The following GRIA1 variants were observed in gnomAD, a reference collection of about 807,000 sequenced individuals.
The protein encoded by GRIA1 is glutamate ionotropic receptor AMPA type subunit 1, also known as glutamate receptor 1.
A neutral mutation model predicts 99.2 loss-of-function variants in GRIA1; 31 were observed. The observed-to-expected ratio is 0.31, with a 90% CI of 0.23 to 0.42. The LOEUF (loss-of-function observed/expected upper bound fraction) is 0.42, where lower values mean the gene tolerates loss of function less well. Among genes scored for constraint, GRIA1 ranks in the 10% least tolerant of loss-of-function variants. The pLI is 1.00. For missense variants in GRIA1, 782 were observed against 1,157.5 expected (o/e 0.68, Z 4.71); for synonymous variants, 438 against 432.4 (o/e 1.01, Z -0.16).
At chr5:153,662,293 A>G (rs1755427729) in intron 5 of GRIA1, among the ~76,000 whole-genome samples, 1 of 152,220 alleles carries the variant, frequency 6.6e-6, no homozygotes, top group South Asian at 2.1e-4. Flanking sequence ...CACTGGGCTC[A>G]TGCAAGAAGG....
At chr5:153,635,278 G>C (rs1042031618) in intron 2 of GRIA1, among the ~76,000 whole-genome samples, 1 of 152,192 alleles carries the variant, frequency 6.6e-6, no homozygotes, top group Non-Finnish European at 1.5e-5. Context: ...TTTACCTGGT[G>C]TTCCTTGCGG....
At chr5:153,686,193 T>C in intron 7 of GRIA1, 32 bp from the exon 8 acceptor site, 1 of 1,484,356 alleles carries the variant, frequency 6.7e-7, no homozygotes, top group African/African-American at 1.4e-5. Flanking sequence ...TACATCTGAG[T>C]TCACTGCCCA....
intron 8 of GRIA1, among the ~76,000 whole-genome samples, chr5:153,697,759 C>A (rs943920058): frequency 1.1e-4 from 16 of 152,146 alleles, no homozygotes; most frequent in African/African-American, 3.6e-4. Context: ...TTGCATTGTA[C>A]AAAACAGACT....
intron 8 of GRIA1, among the ~76,000 whole-genome samples, chr5:153,697,481 C>T (rs947114440): frequency 1.3e-5 from 2 of 152,094 alleles, no homozygotes; most frequent in Non-Finnish European, 2.9e-5. Context: ...TTTTTAGACA[C>T]TCCTATATAT....
At chr5:153,495,578 T>G (rs964294377) in intron 2 of GRIA1, among the ~76,000 whole-genome samples, 2 of 152,340 alleles carry the variant, frequency 1.3e-5, no homozygotes, top group African/African-American at 4.8e-5. Context: ...GAGAAAAACT[T>G]ACAGTGTTTC....
At chr5:153,736,098 C>A (rs940097911) in intron 11 of GRIA1, among the ~76,000 whole-genome samples, 3 of 152,060 alleles carry the variant, frequency 2.0e-5, no homozygotes. Context: ...GAGGAGGGAG[C>A]CAAGCCCTGA....
intron 3 of GRIA1, among the ~76,000 whole-genome samples, chr5:153,648,277 T>C (rs889062): frequency 0.45 from 68,081 of 152,000 alleles, 16,036 homozygotes; most frequent in Non-Finnish European, 0.5. Context: ...TCTCAGACTG[T>C]GACTATTGCA....
At position 153,595,695 on chromosome 5, in the gene GRIA1, T is replaced by A. The variant is rs1219276640; in HGVS notation, c.221-51233T>A. Among the ~76,000 whole-genome samples the A allele has an allele frequency of 2.0e-5, 3 of 149,782 alleles. No homozygotes were observed. The East Asian group carries it at 5.8e-4, about 29-fold the overall frequency. On this transcript the variant is annotated intron_variant, in intron 2 of 15. Coordinates refer to ENST00000285900, the MANE Select transcript of GRIA1 (RefSeq NM_000827.4). ...ATTGCTCACATTGTGAAATGCTTTTTAATTGTAAACCTTTATCTAAAAAGC... is the reference window on the plus strand; with the variant it reads ...ATTGCTCACATTGTGAAATGCTTTTAAATTGTAAACCTTTATCTAAAAAGC...
intron 11 of GRIA1, among the ~76,000 whole-genome samples, chr5:153,749,441 C>T (rs1762369386): frequency 6.6e-6 from 1 of 152,172 alleles, no homozygotes; most frequent in Non-Finnish European, 1.5e-5. Flanking sequence ...GTGCCAGCAT[C>T]TGCTTCTGAT....
chr5:153,680,778 T>C (rs1756920181), intron 7 of GRIA1, among the ~76,000 whole-genome samples: 1 of 152,222 alleles, frequency 6.6e-6, no homozygotes, highest in Admixed American at 6.5e-5. Flanking sequence ...CTTATGGTGC[T>C]GTGGATGATC....
chr5:153,712,404 A>G (rs1759376083), intron 11 of GRIA1, among the ~76,000 whole-genome samples: 1 of 152,220 alleles, frequency 6.6e-6, no homozygotes, highest in South Asian at 2.1e-4. Context: ...CAATGAGGAC[A>G]GCCCAAGCCA....
intron 2 of GRIA1, among the ~76,000 whole-genome samples, chr5:153,601,565 A>G (rs970604785): frequency 6.6e-5 from 10 of 152,364 alleles, no homozygotes; most frequent in African/African-American, 1.4e-4. Flanking sequence ...GTGAAAATTA[A>G]ATCAGAGCGG....
chr5:153,702,286 T>A (rs1286594057), intron 10 of GRIA1, among the ~76,000 whole-genome samples: 1 of 152,240 alleles, frequency 6.6e-6, no homozygotes, highest in Non-Finnish European at 1.5e-5. Context: ...CACAGCTGTC[T>A]TTACTGTCTG....
intron 11 of GRIA1, among the ~76,000 whole-genome samples, chr5:153,763,174 G>C (rs1763294577): frequency 6.6e-6 from 1 of 152,158 alleles, no homozygotes; most frequent in South Asian, 2.1e-4. Flanking sequence ...AGTGAAAAGG[G>C]ATCTCCAAGA....
Position 153,653,588 on chromosome 5 carries a change from C to A in GRIA1, c.646-2231C>A, listed in dbSNP as rs80207267. ...AAAATTAGTTAGAAGTGAGAATAGA[C>A]CAGGACCTGTTGAGGTTATCCATCA... On this transcript the variant is annotated intron_variant, in intron 4 of 15. Transcript: ENST00000285900. Among the ~76,000 whole-genome samples the A allele has an allele frequency of 9.6e-3, 1,458 of 152,214 alleles. 19 individuals carry two copies. The highest frequency in any genetic ancestry group is 0.033 in the African/African-American group (1,364 of 41,514).
At chr5:153,556,583 G>A (rs1480651121) in intron 2 of GRIA1, among the ~76,000 whole-genome samples, 1 of 152,144 alleles carries the variant, frequency 6.6e-6, no homozygotes, top group Non-Finnish European at 1.5e-5. Flanking sequence ...AACATTACTA[G>A]TAAGAAATGT....
chr5:153,557,132 T>G (rs1458670227), intron 2 of GRIA1, among the ~76,000 whole-genome samples: 1 of 152,230 alleles, frequency 6.6e-6, no homozygotes, highest in Non-Finnish European at 1.5e-5. Context: ...CTTGCAGAAC[T>G]GGACGTTGCT....
intron 4 of GRIA1, among the ~76,000 whole-genome samples, chr5:153,652,376 C>G (rs1014484831): frequency 6.6e-6 from 1 of 152,158 alleles, no homozygotes; most frequent in Non-Finnish European, 1.5e-5. Context: ...TATGCCAAGA[C>G]CTTCCCATGC....
At chr5:153,720,270 A>AAT (rs1474268762) in intron 11 of GRIA1, among the ~76,000 whole-genome samples, 1 of 152,218 alleles carries the variant, frequency 6.6e-6, no homozygotes. Context: ...AACAATAAGC[A>AAT]ATTTTTTAAA....
Sources: gnomAD v4.1 joint callset for allele counts (sites outside exome capture counted in the v4.1 genomes callset) on GRCh38, gnomAD v4.1.1 for gene constraint, MANE v1.5 for transcripts, NCBI Gene and HGNC (gene_info 2026-07-23, HGNC 2026-07-21) for gene names.